DLGAP2: variants seen among roughly 807,000 people sequenced by gnomAD.
DLGAP2 encodes the protein disks large-associated protein 2.
In DLGAP2, 26 loss-of-function variants were observed where a neutral mutation model predicts 100.3. The observed-to-expected ratio is 0.26, with a 90% CI of 0.19 to 0.36. DLGAP2 has a LOEUF of 0.36. Among genes scored for constraint, DLGAP2 ranks in the 10% least tolerant of loss-of-function variants. The pLI is 1.00. For missense variants in DLGAP2, 1,858 were observed against 1,453.2 expected, an observed-to-expected ratio of 1.28 and a Z score of -4.53; for synonymous variants, 886 against 630.1, an observed-to-expected ratio of 1.41 and a Z score of -6.08.
intron 3 of DLGAP2, among the ~76,000 whole-genome samples, chr8:1,441,039 T>C (rs1016215132): frequency 6.6e-6 from 1 of 152,190 alleles, no homozygotes; most frequent in African/African-American, 2.4e-5. Flanking sequence ...ACATTTGTGG[T>C]TGTGTTTTCA....
intron 2 of DLGAP2, among the ~76,000 whole-genome samples, chr8:989,439 G>T (rs917399102): frequency 6.6e-6 from 1 of 152,174 alleles, no homozygotes; most frequent in East Asian, 1.9e-4. Context: ...GGCCTCTCCT[G>T]TGTCCTGGGC....
intron 13 of DLGAP2, among the ~76,000 whole-genome samples, chr8:1,695,635 C>T (rs936003604): frequency 6.6e-6 from 1 of 152,100 alleles, no homozygotes; most frequent in Non-Finnish European, 1.5e-5. Context: ...ATGCCCGGCA[C>T]TACAGAAAGA....
At chr8:1,182,632 C>T (rs1446340190) in intron 2 of DLGAP2, among the ~76,000 whole-genome samples, 3 of 152,210 alleles carry the variant, frequency 2.0e-5, no homozygotes, top group Admixed American at 6.5e-5. Flanking sequence ...CAGTTGTTGC[C>T]TGTCCTTCTG....
At chr8:1,108,056 T>G (rs1166680742) in intron 2 of DLGAP2, among the ~76,000 whole-genome samples, 1 of 152,190 alleles carries the variant, frequency 6.6e-6, no homozygotes, top group African/African-American at 2.4e-5. Context: ...TTCTTTTTAT[T>G]GTTGCTTTTT....
At chr8:913,272 G>C (rs889867872) in intron 2 of DLGAP2, among the ~76,000 whole-genome samples, 27 of 152,290 alleles carry the variant, frequency 1.8e-4, no homozygotes, top group African/African-American at 6.0e-4. Context: ...CACCATTGTT[G>C]AAATGTTAGG....
At chr8:1,042,594 A>T (rs998749119) in intron 2 of DLGAP2, among the ~76,000 whole-genome samples, 2 of 152,200 alleles carry the variant, frequency 1.3e-5, no homozygotes, top group Non-Finnish European at 2.9e-5. Flanking sequence ...GAGGTCACAG[A>T]CCAGGTCCCC....
At position 890,032 on chromosome 8, in the gene DLGAP2, C is replaced by T. The variant is rs569071548; in HGVS notation, c.19-17880C>T. ...CCTTCCCCGTGTGTTTCTCGGGTGG[C>T]CCCCTCACCACACTGCTCTTCCTCC... is the stretch of plus-strand genomic sequence containing the variant. On this transcript the variant is annotated intron_variant, in intron 1 of 14. Transcript: ENST00000637795. Among the ~76,000 whole-genome samples the T allele has an allele frequency of 1.6e-4, 25 of 152,194 alleles. No individual in the cohort carries two copies. In the East Asian group the frequency reaches 4.3e-3, roughly 26 times the overall value.
At chr8:978,686 G>C (rs1305824341) in intron 2 of DLGAP2, among the ~76,000 whole-genome samples, 2 of 151,634 alleles carry the variant, frequency 1.3e-5, no homozygotes, top group Non-Finnish European at 2.9e-5. Context: ...GGAGGGCGTC[G>C]GGGATTCACT....
At chr8:1,644,550 C>T (rs999067249) in intron 8 of DLGAP2, among the ~76,000 whole-genome samples, 7 of 152,240 alleles carry the variant, frequency 4.6e-5, no homozygotes, top group Admixed American at 1.3e-4. Context: ...GCGGCAGAGA[C>T]GCGCTCCTGA....
At chr8:1,382,784 T>A (rs1796126535) in intron 3 of DLGAP2, among the ~76,000 whole-genome samples, 4 of 152,122 alleles carry the variant, frequency 2.6e-5, no homozygotes, top group Admixed American at 2.6e-4. Context: ...TTTACATTGA[T>A]TATAGCAAGA....
At chr8:1,346,104 C>T (rs1801548395) in intron 3 of DLGAP2, among the ~76,000 whole-genome samples, 1 of 152,152 alleles carries the variant, frequency 6.6e-6, no homozygotes, top group Non-Finnish European at 1.5e-5. Context: ...CTGCATTTCC[C>T]TTATGGTGTC....
chr8:1,188,709 C>T (rs188795612), intron 2 of DLGAP2, among the ~76,000 whole-genome samples: 72 of 152,246 alleles, frequency 4.7e-4, no homozygotes, highest in Admixed American at 1.5e-3. Context: ...TTTTGGCAAG[C>T]AGATGAACAG....
chr8:1,062,550 G>A (rs368130907), intron 2 of DLGAP2, among the ~76,000 whole-genome samples: 4 of 152,160 alleles, frequency 2.6e-5, no homozygotes, highest in East Asian at 1.9e-4. Context: ...CCCCTGGTGC[G>A]GTGGCATCAG....
intron 4 of DLGAP2, among the ~76,000 whole-genome samples, chr8:1,548,128 C>G (rs1584914114): frequency 6.6e-6 from 1 of 152,034 alleles, no homozygotes; most frequent in South Asian, 2.1e-4. Flanking sequence ...TTGGGAACAT[C>G]AGTGTTTCCT....
chr8:1,164,445 T>C (rs1190310306), intron 2 of DLGAP2, among the ~76,000 whole-genome samples: 3 of 149,960 alleles, frequency 2.0e-5, no homozygotes, highest in Non-Finnish European at 4.4e-5. Flanking sequence ...TGTGAAAGTC[T>C]GGAGGCGATG....
chr8:1,055,243 G>C (rs887477688), intron 2 of DLGAP2, among the ~76,000 whole-genome samples: 15 of 152,098 alleles, frequency 9.9e-5, no homozygotes, highest in Admixed American at 9.8e-4. Flanking sequence ...TGGTGGTTTC[G>C]GCCTGATGAG....
At chr8:1,641,490 T>G (rs1386657826) in intron 8 of DLGAP2, among the ~76,000 whole-genome samples, 1 of 152,116 alleles carries the variant, frequency 6.6e-6, no homozygotes, top group African/African-American at 2.4e-5. Flanking sequence ...ACAAGTGAAC[T>G]TGTCTAGACG....
At chr8:994,226 G>A (rs920961934) in intron 2 of DLGAP2, among the ~76,000 whole-genome samples, 8 of 152,110 alleles carry the variant, frequency 5.3e-5, no homozygotes, top group Non-Finnish European at 1.5e-5. Context: ...TTGAGTTGGA[G>A]TTTCACTCTT....
At chr8:1,605,704 C>G (rs888704033) in intron 6 of DLGAP2, among the ~76,000 whole-genome samples, 2 of 152,316 alleles carry the variant, frequency 1.3e-5, no homozygotes, top group Admixed American at 6.5e-5. Context: ...GCAGCGTTTG[C>G]TAACTGTCCG....
Sources: allele counts gnomAD v4.1 joint callset (sites outside exome capture counted in the v4.1 genomes callset), GRCh38; gene constraint gnomAD v4.1.1; transcripts MANE v1.5; gene names NCBI Gene and HGNC (gene_info 2026-07-23, HGNC 2026-07-21).